Variants in NIM1K observed in about 807,000 individuals in gnomAD.
The protein encoded by NIM1K is serine/threonine-protein kinase NIM1.
NIM1K carries 35 observed loss-of-function variants against 37.1 expected under a neutral mutation model. The observed-to-expected ratio is 0.94, with a 90% CI of 0.72 to 1.25. NIM1K has a LOEUF of 1.25. NIM1K is among the 50% of genes most tolerant of loss of function. The probability of loss-of-function intolerance (pLI) is 0.00; values close to 1 mark genes in which losing one functional copy is unlikely to be tolerated. For synonymous variants in NIM1K, 234 were observed against 206.6 expected (o/e 1.13, Z -1.14); for missense variants, 564 against 548.0 (o/e 1.03, Z -0.29).
intron 1 of NIM1K, among the ~76,000 whole-genome samples, chr5:43,210,240 G>T (rs2112215628): frequency 6.6e-6 from 1 of 152,114 alleles, no homozygotes; most frequent in South Asian, 2.1e-4. Flanking sequence ...TTGAATAATA[G>T]GTAGAATTTC....
Position 43,280,211 on chromosome 5 carries a change from G to A in NIM1K, c.793G>A (p.Val265Met). The A allele has an allele frequency of 6.2e-7, 1 of 1,614,132 alleles. No individual in the cohort carries two copies. Among genetic ancestry groups the A allele is most frequent in the South Asian group, 1.1e-5 (1 of 91,084 alleles). Residue 265 changes from valine to methionine, a missense_variant, in exon 4 of 4, where the codon GTG becomes ATG. Val to Met is a conservative substitution (Grantham distance 21, BLOSUM62 1). Coordinates refer to ENST00000326035, the MANE Select transcript of NIM1K (RefSeq NM_153361.4). ...CTTGGGGGTGCTTTTGTACTTCATG[G>A]TGACTGGCACCATGCCATTTCGGGC... ...WALGVLLYFM[V>M]TGTMPFRAET...
chr5:43,232,226 C>A (rs1276835814), intron 1 of NIM1K: 1 of 1,029,152 alleles, frequency 9.7e-7, no homozygotes, highest in East Asian at 2.9e-5. Context: ...GTAAAACAGG[C>A]AGCAAGCCAT....
At chr5:43,204,540 A>G (rs949187434) in intron 1 of NIM1K, among the ~76,000 whole-genome samples, 4 of 150,830 alleles carry the variant, frequency 2.7e-5, no homozygotes, top group Admixed American at 6.6e-5. Context: ...CGTCTCTACT[A>G]AAAAAATACA....
intron 1 of NIM1K, among the ~76,000 whole-genome samples, chr5:43,224,419 CA>C (rs11314738): frequency 0.3 from 44,968 of 147,586 alleles, 7,318 homozygotes; most frequent in East Asian, 0.67. Context: ...CCAGCCTGGG[CA>C]ACAAGAGCAA....
In NIM1K at chr5:43,245,951, A is replaced by T. The variant is rs753709439; in HGVS notation, c.176A>T (p.Glu59Val). Reference sequence around the variant, plus strand: ...CTGACACAGGACATGTCCCAGGATGAGAAGGTGGTGAGGGAGATCACGCTG... The same window carrying T: ...CTGACACAGGACATGTCCCAGGATGTGAAGGTGGTGAGGGAGATCACGCTG... ...EKLTQDMSQDEKVVREITLGK... is the reference protein window; with the variant it reads ...EKLTQDMSQDVKVVREITLGK... The change falls in exon 2 of 4, where the codon GAG becomes GTG. Residue 59 changes from glutamate to valine, a missense_variant. By Grantham distance (121) the Glu-to-Val change is moderately radical (BLOSUM62 -2). Coordinates refer to ENST00000326035, the MANE Select transcript of NIM1K (RefSeq NM_153361.4). 3.7e-6 allele frequency: 6 copies of T among 1,614,096 alleles called. No individual in the cohort carries two copies. In the South Asian group the frequency reaches 5.5e-5, roughly 15 times the overall value.
At chr5:43,231,045 C>T (rs1752531485) in intron 1 of NIM1K, among the ~76,000 whole-genome samples, 1 of 152,210 alleles carries the variant, frequency 6.6e-6, no homozygotes, top group Admixed American at 6.5e-5. Context: ...TGGCTGGATG[C>T]TGTGGCTCAC....
intron 1 of NIM1K, among the ~76,000 whole-genome samples, chr5:43,208,741 A>G (rs1752155641): frequency 6.6e-6 from 1 of 152,220 alleles, no homozygotes; most frequent in Non-Finnish European, 1.5e-5. Context: ...GGTATAATTG[A>G]AGCAGATCTC....
chr5:43,267,248 G>A (rs1384481457), intron 2 of NIM1K, among the ~76,000 whole-genome samples: 1 of 152,144 alleles, frequency 6.6e-6, no homozygotes, highest in Non-Finnish European at 1.5e-5. Context: ...TGTGTGAATA[G>A]AGATGTTCAT....
intron 1 of NIM1K, chr5:43,207,095 T>C (rs1470909579): frequency 1.4e-6 from 1 of 718,396 alleles, no homozygotes; most frequent in Non-Finnish European, 2.6e-6. Context: ...GAATATGACA[T>C]AGATTGAGGT....
intron 1 of NIM1K, among the ~76,000 whole-genome samples, chr5:43,213,394 A>C (rs1449841282): frequency 6.8e-6 from 1 of 147,214 alleles, no homozygotes; most frequent in African/African-American, 2.6e-5. Context: ...CAGCGGCACG[A>C]TCTTGGCTCG....
chr5:43,264,228 G>A (rs183844545), intron 2 of NIM1K, among the ~76,000 whole-genome samples: 1 of 152,074 alleles, frequency 6.6e-6, no homozygotes, highest in Non-Finnish European at 1.5e-5. Flanking sequence ...GGGTGTCAAA[G>A]CCTCCCATTA....
At chr5:43,234,664 T>C (rs1038590162) in intron 1 of NIM1K, among the ~76,000 whole-genome samples, 55 of 152,318 alleles carry the variant, frequency 3.6e-4, no homozygotes, top group Admixed American at 2.0e-4. Flanking sequence ...TGACACAGTC[T>C]TGCTCTGTTG....
chr5:43,212,053 G>C (rs1351864802), intron 1 of NIM1K, among the ~76,000 whole-genome samples: 1 of 152,060 alleles, frequency 6.6e-6, no homozygotes, highest in South Asian at 2.1e-4. Context: ...TATATATATT[G>C]AATATAAAAG....
At chr5:43,248,637 T>G (rs1752820141) in intron 2 of NIM1K, among the ~76,000 whole-genome samples, 1 of 151,654 alleles carries the variant, frequency 6.6e-6, no homozygotes, top group South Asian at 2.1e-4. Flanking sequence ...AGAGAGACAC[T>G]TACAAGGAAT....
chr5:43,220,622 A>G (rs541541822), intron 1 of NIM1K, among the ~76,000 whole-genome samples: 91 of 151,892 alleles, frequency 6.0e-4, no homozygotes, highest in African/African-American at 2.0e-3. Flanking sequence ...ATATATTTTT[A>G]TTTTCTTAAC....
chr5:43,251,000 G>A (rs1279385439), intron 2 of NIM1K, among the ~76,000 whole-genome samples: 1 of 152,194 alleles, frequency 6.6e-6, no homozygotes, highest in East Asian at 1.9e-4. Context: ...TGCCTCAGCT[G>A]TAAAATAGAG....
In NIM1K at chr5:43,280,414, A is replaced by G; in HGVS notation, c.996A>G (p.Thr332=). ...GGATGCAAGGGGTGCCATACCCTAC[A>G]CCTTTGGAACCTTTCCAACTGGATC... ...DEWMQGVPYP[T]PLEPFQLDPK... is the part of the protein sequence containing the mutation. The change falls in exon 4 of 4, where the codon ACA becomes ACG. Residue 332 remains threonine, a synonymous_variant. Coordinates refer to ENST00000326035, the MANE Select transcript of NIM1K (RefSeq NM_153361.4). 1 of 1,614,168 alleles carries G rather than the reference A, an allele frequency of 6.2e-7. No homozygotes were observed. Among genetic ancestry groups the G allele is most frequent in the South Asian group, 1.1e-5 (1 of 91,076 alleles).
intron 2 of NIM1K, among the ~76,000 whole-genome samples, chr5:43,250,451 G>T (rs1211348524): frequency 6.6e-6 from 1 of 152,094 alleles, no homozygotes; most frequent in East Asian, 1.9e-4. Flanking sequence ...ATATACGTAT[G>T]ATTTCTCTCA....
chr5:43,271,727 C>A (rs1445623472), intron 2 of NIM1K, among the ~76,000 whole-genome samples: 1 of 152,142 alleles, frequency 6.6e-6, no homozygotes, highest in Non-Finnish European at 1.5e-5. Context: ...AATGTTATCA[C>A]ATAAATAGGT....
Sources: gnomAD v4.1 joint callset for allele counts (sites outside exome capture counted in the v4.1 genomes callset) on GRCh38, gnomAD v4.1.1 for gene constraint, MANE v1.5 for transcripts, NCBI Gene and HGNC (gene_info 2026-07-23, HGNC 2026-07-21) for gene names.